Variants in BICC1 observed in about 807,000 individuals in gnomAD.
BICC1 encodes protein bicaudal C homolog 1.
BICC1 carries 43 observed loss-of-function variants against 111.0 expected under a neutral mutation model. The ratio of observed to expected loss-of-function variants is 0.39; its 90% CI spans 0.30 to 0.50. The LOEUF (loss-of-function observed/expected upper bound fraction) is 0.50, where lower values mean the gene tolerates loss of function less well. BICC1 is among the 20% of genes least tolerant of loss of function. The pLI is 0.88. For missense variants in BICC1, 1,091 were observed against 1,203.2 expected, an observed-to-expected ratio of 0.91 and a Z score of 1.38; for synonymous variants, 467 against 434.4, an observed-to-expected ratio of 1.07 and a Z score of -0.93.
rs1280364650 is a variant in BICC1 at position 58,806,995 on chromosome 10, T to C, written c.2222-9T>C. On this transcript the variant is annotated splice_polypyrimidine_tract_variant and intron_variant, in intron 16 of 20. Transcript: ENST00000373886. ...CATACCAAGCATTGGTTTTATTTTG[T>C]TTCCAAAGCTATGTTAAAGAAACCA... 1 of 1,607,100 alleles carries C rather than the reference T, an allele frequency of 6.2e-7. No individual in the cohort carries two copies. Among genetic ancestry groups the C allele is most frequent in the Non-Finnish European group, 8.5e-7 (1 of 1,176,924 alleles).
chr10:58,744,427 GA>G (rs1841766355), intron 3 of BICC1, among the ~76,000 whole-genome samples: 1 of 151,488 alleles, frequency 6.6e-6, no homozygotes, highest in South Asian at 2.1e-4. Flanking sequence ...TAAAAGATAT[GA>G]TTTTTTTTAA....
At chr10:58,792,848 C>T (rs1365282932) in intron 8 of BICC1, among the ~76,000 whole-genome samples, 1 of 152,056 alleles carries the variant, frequency 6.6e-6, no homozygotes, top group Non-Finnish European at 1.5e-5. Flanking sequence ...CATCCCCCTT[C>T]CCTCCCCCTC....
intron 14 of BICC1, among the ~76,000 whole-genome samples, chr10:58,802,656 C>T (rs1045751216): frequency 6.6e-6 from 1 of 152,190 alleles, no homozygotes; most frequent in Non-Finnish European, 1.5e-5. Context: ...GACTGGATCT[C>T]TGTTTGGACT....
chr10:58,582,217 A>G (rs921955166), intron 1 of BICC1, among the ~76,000 whole-genome samples: 2 of 152,196 alleles, frequency 1.3e-5, no homozygotes, highest in Admixed American at 6.5e-5. Context: ...ATTTCAAATG[A>G]TATTACAGAA....
chr10:58,703,587 A>T (rs1009853274), intron 3 of BICC1, among the ~76,000 whole-genome samples: 20 of 152,168 alleles, frequency 1.3e-4, no homozygotes, highest in Non-Finnish European at 2.2e-4. Flanking sequence ...TGTATTTCTC[A>T]AGTGGTGTAG....
intron 1 of BICC1, among the ~76,000 whole-genome samples, chr10:58,558,027 C>T (rs2131938816): frequency 6.6e-6 from 1 of 152,176 alleles, no homozygotes; most frequent in African/African-American, 2.4e-5. Context: ...CAGGTAGGAC[C>T]AGAGCAGCAT....
At chr10:58,772,109 G>A (rs1031042357) in intron 3 of BICC1, among the ~76,000 whole-genome samples, 7 of 152,194 alleles carry the variant, frequency 4.6e-5, no homozygotes, top group African/African-American at 1.7e-4. Context: ...GTGAGCCTTG[G>A]GGAAGGATGT....
intron 2 of BICC1, chr10:58,650,286 G>A (rs1401895377): frequency 6.6e-6 from 1 of 152,184 alleles, no homozygotes; most frequent in African/African-American, 2.4e-5. Flanking sequence ...CTGGTCATGT[G>A]GAGTAGGTTA....
intron 1 of BICC1, among the ~76,000 whole-genome samples, chr10:58,587,321 T>C (rs1266803513): frequency 6.6e-6 from 1 of 152,164 alleles, no homozygotes; most frequent in East Asian, 1.9e-4. Flanking sequence ...TTAAGCAGAA[T>C]TGAATTTTCT....
intron 20 of BICC1, among the ~76,000 whole-genome samples, chr10:58,826,120 G>A (rs763530413): frequency 5.3e-5 from 8 of 152,156 alleles, no homozygotes; most frequent in Non-Finnish European, 1.2e-4. Context: ...TAGAGTGGGT[G>A]CAGGATTGTT....
chr10:58,617,931 G>T (rs562856752), intron 1 of BICC1, among the ~76,000 whole-genome samples: 2 of 152,256 alleles, frequency 1.3e-5, no homozygotes, highest in African/African-American at 4.8e-5. Flanking sequence ...TTGGTGTAAT[G>T]TCACCATGGG....
chr10:58,768,085 G>A (rs1842507438), intron 3 of BICC1, among the ~76,000 whole-genome samples: 1 of 152,048 alleles, frequency 6.6e-6, no homozygotes, highest in Non-Finnish European at 1.5e-5. Flanking sequence ...GGACATCCAG[G>A]TTATGAGGCT....
intron 3 of BICC1, among the ~76,000 whole-genome samples, chr10:58,756,200 A>G (rs1335833645): frequency 2.0e-5 from 3 of 151,728 alleles, no homozygotes; most frequent in African/African-American, 7.3e-5. Context: ...TCCCTTTCGT[A>G]TCTTAGAAGG....
intron 2 of BICC1, among the ~76,000 whole-genome samples, chr10:58,632,426 G>A (rs758683359): frequency 2.6e-4 from 40 of 151,682 alleles, no homozygotes; most frequent in Admixed American, 1.2e-3. Flanking sequence ...CTCAAGAGGG[G>A]CATACTCCAG....
intron 2 of BICC1, among the ~76,000 whole-genome samples, chr10:58,701,464 A>G (rs1050221339): frequency 2.6e-5 from 4 of 152,152 alleles, no homozygotes; most frequent in Non-Finnish European, 5.9e-5. Flanking sequence ...CCTCCTAGAC[A>G]GTGTTAGCTG....
chr10:58,571,504 C>T (rs181997276), intron 1 of BICC1, among the ~76,000 whole-genome samples: 263 of 149,160 alleles, frequency 1.8e-3, no homozygotes, highest in African/African-American at 6.2e-3. Context: ...CCCCGCCCTC[C>T]GACAGGCCCT....
At position 58,623,868 on chromosome 10, in the gene BICC1, A is replaced by G. The variant is rs566144247; in HGVS notation, c.237+2967A>G. ...ACTTAGTTATGTAGTCTTACCTAATAGCAACAATAGAGGGGAGGGAGGGGC... is the reference window on the plus strand; with the variant it reads ...ACTTAGTTATGTAGTCTTACCTAATGGCAACAATAGAGGGGAGGGAGGGGC... On this transcript the variant is annotated intron_variant, in intron 2 of 20. Transcript: ENST00000373886. 2.1e-3 allele frequency among the ~76,000 whole-genome samples: 317 copies of G among 152,170 alleles called. 2 individuals are homozygous for G. The highest frequency in any genetic ancestry group is 4.0e-3 in the Non-Finnish European group (273 of 67,976).
At chr10:58,524,872 TCAAA>T (rs1472625091) in intron 1 of BICC1, among the ~76,000 whole-genome samples, 4 of 151,726 alleles carry the variant, frequency 2.6e-5, no homozygotes, top group Non-Finnish European at 4.4e-5. Context: ...CAAGAAAAAA[TCAAA>T]CAACCCCATC....
At chr10:58,715,176 A>G (rs112825468) in intron 3 of BICC1, among the ~76,000 whole-genome samples, 6 of 152,284 alleles carry the variant, frequency 3.9e-5, no homozygotes, top group African/African-American at 1.4e-4. Flanking sequence ...GTTTATTATT[A>G]CATTTGTATG....
Sources: allele counts gnomAD v4.1 joint callset (sites outside exome capture counted in the v4.1 genomes callset), GRCh38; gene constraint gnomAD v4.1.1; transcripts MANE v1.5; gene names NCBI Gene and HGNC (gene_info 2026-07-23, HGNC 2026-07-21).